The following ZNF780B variants were observed in gnomAD, a reference collection of about 807,000 sequenced individuals.
ZNF780B encodes zinc finger protein 780B.
In ZNF780B, 52 loss-of-function variants were observed where a neutral mutation model predicts 74.1. The ratio of observed to expected loss-of-function variants is 0.70; its 90% CI spans 0.56 to 0.88. The LOEUF (loss-of-function observed/expected upper bound fraction) is 0.88, where lower values mean the gene tolerates loss of function less well. Among genes scored for constraint, ZNF780B ranks in the 40% least tolerant of loss-of-function variants. The pLI is 0.00. For missense variants in ZNF780B, 953 were observed against 1,007.6 expected, an observed-to-expected ratio of 0.95 and a Z score of 0.73; for synonymous variants, 315 against 324.3, an observed-to-expected ratio of 0.97 and a Z score of 0.31.
intron 4 of ZNF780B, among the ~76,000 whole-genome samples, chr19:40,038,729 G>A (rs953045793): frequency 1.3e-4 from 20 of 152,310 alleles, no homozygotes; most frequent in African/African-American, 4.6e-4. Context: ...AGAAGCGTCT[G>A]TTCACATCCT....
chr19:40,037,227 T>TC (rs1226550875), intron 4 of ZNF780B, among the ~76,000 whole-genome samples: 1 of 151,708 alleles, frequency 6.6e-6, no homozygotes, highest in Non-Finnish European at 1.5e-5. Context: ...TATTTTTTTT[T>TC]TTTTTTTTTA....
intron 4 of ZNF780B, among the ~76,000 whole-genome samples, chr19:40,044,586 A>G (rs965815268): frequency 2.0e-5 from 3 of 152,352 alleles, no homozygotes; most frequent in African/African-American, 7.2e-5. Context: ...GACAGAATTC[A>G]TCACCACTGG....
chr19:40,029,615 T>C lies in ZNF780B; in HGVS notation c.*4742A>G, dbSNP rs1194094338. 4 of 153,196 alleles carry C rather than the reference T, an allele frequency of 2.6e-5. No individual in the cohort carries two copies. The highest frequency in any genetic ancestry group is 9.6e-5 in the African/African-American group (4 of 41,492). 9.5% of individuals were successfully genotyped at this position (153,196 alleles called of 1,614,324 possible). ...AATTCTAACAAAAGCAGCATCTTTT[T>C]TTCCATACCTGTAACTGCCATGTGC... On this transcript the variant is annotated 3_prime_UTR_variant, in exon 5 of 5. Coordinates refer to ENST00000434248, the MANE Select transcript of ZNF780B (RefSeq NM_001005851.3).
intron 1 of ZNF780B, among the ~76,000 whole-genome samples, chr19:40,054,154 CAA>C: frequency 6.6e-6 from 1 of 151,940 alleles, no homozygotes; most frequent in Middle Eastern, 3.4e-3. Flanking sequence ...CACTCTCTCT[CAA>C]AAAAAGAAAA....
In ZNF780B at chr19:40,034,121, T is replaced by A; in HGVS notation, c.*236A>T. ...TCATAGGGTTTCTCATCAGTATGAA[T>A]TTTAACATGTTTAACAGGTTTGAAC... is the stretch of plus-strand genomic sequence containing the variant. On this transcript the variant is annotated 3_prime_UTR_variant, in exon 5 of 5. Coordinates refer to ENST00000434248, the MANE Select transcript of ZNF780B (RefSeq NM_001005851.3). 1 of 595,882 alleles carries A rather than the reference T, an allele frequency of 1.7e-6. No homozygotes were observed. 36.9% of individuals were successfully genotyped at this position (595,882 alleles called of 1,614,324 possible).
chr19:40,043,145 G>C (rs1972739685), intron 4 of ZNF780B, among the ~76,000 whole-genome samples: 1 of 152,178 alleles, frequency 6.6e-6, no homozygotes, highest in South Asian at 2.1e-4. Context: ...CTGCAGGTCT[G>C]TTGGAGTTTG....
Position 40,035,058 on chromosome 19 carries a change from T to A in ZNF780B, c.1801A>T (p.Ile601Phe), listed in dbSNP as rs1252195500. 1.2e-6 allele frequency: 2 copies of A among 1,614,000 alleles called. No homozygotes were observed. The highest frequency in any genetic ancestry group is 1.7e-5 in the Admixed American group (1 of 60,014). The change falls in exon 5 of 5, where the codon ATT becomes TTT. Residue 601 changes from isoleucine to phenylalanine, a missense_variant. Transcript: ENST00000434248. ...CCAGTATGAAATTTCTGATGTCGAATAAGGTGCATATGAAGTCGAAAGGCT... is the reference window on the plus strand; with the variant it reads ...CCAGTATGAAATTTCTGATGTCGAAAAAGGTGCATATGAAGTCGAAAGGCT... ...GKAFRLHMHL[I>F]RHQKFHTGEK...
At chr19:40,036,764 A>C in intron 4 of ZNF780B, 138 bp from the exon 5 acceptor site, 1 of 579,446 alleles carries the variant, frequency 1.7e-6, no homozygotes. Flanking sequence ...GGTGCCAATA[A>C]TGAATTTATG....
chr19:40,036,710 A>G (rs1160538951), intron 4 of ZNF780B, 84 bp from the exon 5 acceptor site: 2 of 804,062 alleles, frequency 2.5e-6, no homozygotes, highest in African/African-American at 3.5e-5. Context: ...TGGCCTAAGT[A>G]TAAAATATAA....
At chr19:40,042,397 G>A (rs891026869) in intron 4 of ZNF780B, among the ~76,000 whole-genome samples, 6 of 152,026 alleles carry the variant, frequency 3.9e-5, no homozygotes, top group African/African-American at 1.4e-4. Flanking sequence ...TGCTCTTCTC[G>A]AGGAGTATCT....
Position 40,035,858 on chromosome 19 carries a change from T to C in ZNF780B, c.1001A>G (p.Glu334Gly), listed in dbSNP as rs755770118. 16 of 1,613,614 alleles carry C rather than the reference T, an allele frequency of 9.9e-6. No homozygotes were observed. Among genetic ancestry groups the C allele is most frequent in the Non-Finnish European group, 1.3e-5 (15 of 1,179,972 alleles). ...CRIHTGEKPFECKECRKAFTL... is the reference protein window; with the variant it reads ...CRIHTGEKPFGCKECRKAFTL... ...AAAGGCCTTTCTGCATTCTTTACATTCAAAGGGTTTCTCGCCAGTATGAAT... is the reference window on the plus strand; with the variant it reads ...AAAGGCCTTTCTGCATTCTTTACATCCAAAGGGTTTCTCGCCAGTATGAAT... The change falls in exon 5 of 5, where the codon GAA becomes GGA. Residue 334 changes from glutamate to glycine, a missense_variant. Transcript: ENST00000434248.
intron 1 of ZNF780B, among the ~76,000 whole-genome samples, chr19:40,051,646 T>C (rs1973239855): frequency 6.6e-6 from 1 of 152,178 alleles, no homozygotes; most frequent in South Asian, 2.1e-4. Context: ...ACTGTGCCTG[T>C]CATGAGGATC....
At chr19:40,044,500 C>T (rs1013542207) in intron 4 of ZNF780B, among the ~76,000 whole-genome samples, 1 of 152,060 alleles carries the variant, frequency 6.6e-6, no homozygotes, top group African/African-American at 2.4e-5. Flanking sequence ...AAAAAATCAC[C>T]AGTCAAGGAC....
intron 4 of ZNF780B, among the ~76,000 whole-genome samples, chr19:40,038,019 C>T (rs1214164217): frequency 6.6e-6 from 1 of 151,734 alleles, no homozygotes; most frequent in African/African-American, 2.4e-5. Flanking sequence ...CCCATTAACT[C>T]GTCATTTAGC....
chr19:40,054,127 T>C (rs1973364882), intron 1 of ZNF780B, among the ~76,000 whole-genome samples: 1 of 152,132 alleles, frequency 6.6e-6, no homozygotes, highest in African/African-American at 2.4e-5. Context: ...CACTCCAGCC[T>C]GGGCAACAGA....
Position 40,035,026 on chromosome 19 carries a change from C to G in ZNF780B, c.1833G>C (p.Lys611Asn). The G allele has an allele frequency of 6.2e-7, 1 of 1,613,764 alleles. No homozygotes were observed. Among genetic ancestry groups the G allele is most frequent in the Non-Finnish European group, 8.5e-7 (1 of 1,179,818 alleles). ...IRHQKFHTGE[K>N]PFECKECGKA... is the part of the protein sequence containing the mutation. Reference sequence around the variant, plus strand: ...TGCCACATTCCTTACATTCAAAGGGCTTCTCACCAGTATGAAATTTCTGAT... The same window carrying G: ...TGCCACATTCCTTACATTCAAAGGGGTTCTCACCAGTATGAAATTTCTGAT... Residue 611 changes from lysine to asparagine, a missense_variant, in exon 5 of 5, where the codon AAG becomes AAC. Physicochemically the swap from Lys to Asn is moderately conservative, Grantham distance 94 (BLOSUM62 0). Transcript: ENST00000434248.
chr19:40,041,412 T>C (rs1051680943), intron 4 of ZNF780B, among the ~76,000 whole-genome samples: 1 of 152,194 alleles, frequency 6.6e-6, no homozygotes, highest in Non-Finnish European at 1.5e-5. Flanking sequence ...TCTGTAGATA[T>C]CTATTAGGTC....
At chr19:40,052,599 C>G (rs1303119303) in intron 1 of ZNF780B, among the ~76,000 whole-genome samples, 1 of 151,618 alleles carries the variant, frequency 6.6e-6, no homozygotes, top group East Asian at 1.9e-4. Context: ...CTAAAATGTG[C>G]ATAGAACCAC....
chr19:40,052,143 T>C (rs571361575), intron 1 of ZNF780B, among the ~76,000 whole-genome samples: 3 of 152,332 alleles, frequency 2.0e-5, no homozygotes, highest in Admixed American at 6.5e-5. Flanking sequence ...TCATTCCAGG[T>C]ATCACAATCT....
Sources: allele counts gnomAD v4.1 joint callset (sites outside exome capture counted in the v4.1 genomes callset), GRCh38; gene constraint gnomAD v4.1.1; transcripts MANE v1.5; gene names NCBI Gene and HGNC (gene_info 2026-07-23, HGNC 2026-07-21).